The following PPOX variants were observed in gnomAD, a reference collection of about 807,000 sequenced individuals.
PPOX encodes protoporphyrinogen oxidase.
PPOX carries 23 observed loss-of-function variants against 54.1 expected under a neutral mutation model. That is an observed-to-expected ratio of 0.43 (90% confidence interval 0.31 to 0.60). PPOX has a LOEUF of 0.60. PPOX is among the 20% of genes least tolerant of loss of function. PPOX has a pLI of 0.13. For synonymous variants in PPOX, 224 were observed against 236.1 expected (o/e 0.95, Z 0.47); for missense variants, 512 against 601.1 (o/e 0.85, Z 1.55).
intron 4 of PPOX, chr1:161,176,786 C>T: frequency 7.0e-7 from 1 of 1,433,840 alleles, no homozygotes; most frequent in Non-Finnish European, 9.5e-7. Context: ...CGTACCCCCA[C>T]CCCAACAGGA....
At chr1:161,173,152 G>A (rs1469980980), downstream of PPOX, among the ~76,000 whole-genome samples, 4 of 152,164 alleles carry the variant, frequency 2.6e-5, no homozygotes, top group Admixed American at 2.0e-4. Context: ...CATGAAATTG[G>A]GTCAGCTGAG....
chr1:161,173,764 C>G (rs374580216), downstream of PPOX: 2 of 1,613,386 alleles, frequency 1.2e-6, no homozygotes, highest in South Asian at 2.2e-5. Flanking sequence ...CCCGAGTCTT[C>G]TGGGGACACA....
At chr1:161,172,288 C>T (rs964727068), downstream of PPOX, 4 of 1,613,952 alleles carry the variant, frequency 2.5e-6, no homozygotes, top group African/African-American at 5.3e-5. Context: ...TAGTGTCCTA[C>T]AGATGTGGGG....
chr1:161,174,694 T>C (rs1004236529), downstream of PPOX, among the ~76,000 whole-genome samples: 1 of 152,220 alleles, frequency 6.6e-6, no homozygotes, highest in African/African-American at 2.4e-5. Flanking sequence ...GAGTCATACA[T>C]GTAACAAGTG....
At chr1:161,171,510 G>A (rs1661423730), downstream of PPOX, 1 of 578,446 alleles carries the variant, frequency 1.7e-6, no homozygotes, top group South Asian at 2.1e-5. Context: ...CTCCATGGAA[G>A]AGGGAGGGGC....
chr1:161,168,100 T>C lies in PPOX; in HGVS notation c.444T>C (p.Ser148=), dbSNP rs764918245. 3 of 1,613,910 alleles carry C rather than the reference T, an allele frequency of 1.9e-6. No homozygotes were observed. Among genetic ancestry groups the C allele is most frequent in the African/African-American group, 2.7e-5 (2 of 74,860 alleles). The change falls in exon 5 of 13, where the codon AGT becomes AGC. Residue 148 remains serine (S), a synonymous_variant. Coordinates refer to ENST00000367999, the MANE Select transcript of PPOX (RefSeq NM_001122764.3). ...AAGAGCCTGATGAGACTGTGCACAGTTTTGCCCAGCGCCGCCTTGGACCTG... is the reference window on the plus strand; with the variant it reads ...AAGAGCCTGATGAGACTGTGCACAGCTTTGCCCAGCGCCGCCTTGGACCTG... ...RGKEPDETVH[S]FAQRRLGPEV...
chr1:161,171,918 A>G, downstream of PPOX: 1 of 1,614,114 alleles, frequency 6.2e-7, no homozygotes, highest in Non-Finnish European at 8.5e-7. Flanking sequence ...CTTGGGAGGA[A>G]CCAGGTGGGT....
chr1:161,172,933 A>G (rs1461429762), downstream of PPOX, among the ~76,000 whole-genome samples: 4 of 152,134 alleles, frequency 2.6e-5, no homozygotes, highest in Non-Finnish European at 5.9e-5. Context: ...AGGACCTTAA[A>G]AGAAACAAAC....
At chr1:161,175,220 C>T, downstream of PPOX, 1 of 1,612,406 alleles carries the variant, frequency 6.2e-7, no homozygotes, top group Non-Finnish European at 8.5e-7. Flanking sequence ...GACACCGACA[C>T]AGGACCCACT....
chr1:161,172,151 T>A, downstream of PPOX: 1 of 1,612,116 alleles, frequency 6.2e-7, no homozygotes, highest in South Asian at 1.1e-5. Context: ...TAGGGACCTT[T>A]AGGATTTTCC....
At position 161,170,003 on chromosome 1, in the gene PPOX, A is replaced by G; in HGVS notation, c.966A>G (p.Gln322=). 6.2e-7 allele frequency: 1 copy of G among 1,613,962 alleles called. No homozygotes were observed. The highest frequency in any genetic ancestry group is 8.5e-7 in the Non-Finnish European group (1 of 1,179,968). The change falls in exon 9 of 13, where the codon CAA becomes CAG. Residue 322 remains glutamine (Q), a synonymous_variant. Transcript: ENST00000367999. Reference sequence around the variant, plus strand: ...TAGCTGTGGTGAATCTGCAGTACCAAGGAGCCCATCTGCCTGTCCAGGTAT... The same window carrying G: ...TAGCTGTGGTGAATCTGCAGTACCAGGGAGCCCATCTGCCTGTCCAGGTAT... ...VSVAVVNLQY[Q]GAHLPVQGFG... is the part of the protein sequence containing the mutation.
intron 4 of PPOX, chr1:161,176,641 G>T: frequency 1.7e-6 from 1 of 586,522 alleles, no homozygotes; most frequent in African/African-American, 1.9e-5. Context: ...GGATCAGGGT[G>T]AAGCTGGTTT....
At chr1:161,168,944 G>C in intron 6 of PPOX, 49 bp from the exon 7 acceptor site, 7 of 1,605,094 alleles carry the variant, frequency 4.4e-6, no homozygotes, top group Non-Finnish European at 6.0e-6. Flanking sequence ...GATTACAGGT[G>C]TGAGCCACTG....
downstream of PPOX, chr1:161,171,901 C>T (rs111614721): frequency 4.9e-4 from 797 of 1,614,156 alleles, 5 homozygotes; most frequent in African/African-American, 8.2e-3. Flanking sequence ...CATCTCTTGA[C>T]GGAAGGCTTG....
At position 161,169,025 on chromosome 1, in the gene PPOX, C is replaced by T. The variant is rs751599052; in HGVS notation, c.649C>T (p.Arg217Cys). Residue 217 changes from arginine (R) to cysteine (C), a missense_variant, in exon 7 of 13, where the codon CGC becomes TGC. Physicochemically the swap from Arg to Cys is radical, Grantham distance 180 (BLOSUM62 -3). Coordinates refer to ENST00000367999, the MANE Select transcript of PPOX (RefSeq NM_001122764.3). ...CCCACAGCCAGACTCAGCACTCATTCGCCAGGCCTTGGCTGAGCGCTGGAG... is the reference window on the plus strand; with the variant it reads ...CCCACAGCCAGACTCAGCACTCATTTGCCAGGCCTTGGCTGAGCGCTGGAG... ...RTPQPDSALI[R>C]QALAERWSQW... 65 of 1,614,046 alleles carry T rather than the reference C, an allele frequency of 4.0e-5. No individual in the cohort carries two copies. Among genetic ancestry groups the T allele is most frequent in the South Asian group, 2.2e-5 (2 of 91,080 alleles).
chr1:161,168,287 T>C, intron 5 of PPOX, 145 bp from the exon 6 acceptor site: 1 of 1,549,804 alleles, frequency 6.5e-7, no homozygotes, highest in Non-Finnish European at 8.9e-7. Context: ...TTATTGGGAG[T>C]GAAGGCCTTC....
downstream of PPOX, chr1:161,173,659 C>A (rs1175026048): frequency 5.6e-6 from 9 of 1,613,998 alleles, no homozygotes; most frequent in Admixed American, 1.5e-4. Context: ...ATTGGGGAAG[C>A]CATTCATCTT....
At chr1:161,176,822 G>C (rs1453873995) in intron 4 of PPOX, 1 of 1,528,602 alleles carries the variant, frequency 6.5e-7, no homozygotes. Flanking sequence ...GGACAGGACA[G>C]CTAATGGAAA....
chr1:161,175,551 C>G (rs149823734), downstream of PPOX, among the ~76,000 whole-genome samples: 104 of 152,220 alleles, frequency 6.8e-4, 2 homozygotes, highest in East Asian at 0.019. Flanking sequence ...GAAAACAATT[C>G]CTAGCCTGGG....
Sources: allele counts gnomAD v4.1 joint callset (sites outside exome capture counted in the v4.1 genomes callset), GRCh38; gene constraint gnomAD v4.1.1; transcripts MANE v1.5; gene names NCBI Gene and HGNC (gene_info 2026-07-23, HGNC 2026-07-21).